Variants in TRPC7 observed in about 807,000 individuals in gnomAD.
TRPC7 encodes the protein short transient receptor potential channel 7.
In TRPC7, 42 loss-of-function variants were observed where a neutral mutation model predicts 90.1. The ratio of observed to expected loss-of-function variants is 0.47; its 90% CI spans 0.36 to 0.60. The LOEUF (loss-of-function observed/expected upper bound fraction) is 0.60, where lower values mean the gene tolerates loss of function less well. TRPC7 is among the 20% of genes least tolerant of loss of function. TRPC7 has a pLI of 0.00. For missense variants in TRPC7, 955 were observed against 1,112.3 expected, an observed-to-expected ratio of 0.86 and a Z score of 2.01; for synonymous variants, 451 against 436.3, an observed-to-expected ratio of 1.03 and a Z score of -0.42.
chr5:136,330,748 T>C (rs758312832), intron 2 of TRPC7, among the ~76,000 whole-genome samples: 8 of 152,142 alleles, frequency 5.3e-5, no homozygotes, highest in Non-Finnish European at 1.0e-4. Flanking sequence ...CACCAGCAGG[T>C]GTGTGGCAAC....
At chr5:136,276,794 G>A (rs1481362727) in intron 3 of TRPC7, among the ~76,000 whole-genome samples, 1 of 152,202 alleles carries the variant, frequency 6.6e-6, no homozygotes, top group Non-Finnish European at 1.5e-5. Context: ...TCACAATGAA[G>A]AGGAGCAAGC....
At chr5:136,227,769 C>A (rs1364461712) in intron 8 of TRPC7, among the ~76,000 whole-genome samples, 1 of 152,222 alleles carries the variant, frequency 6.6e-6, no homozygotes, top group African/African-American at 2.4e-5. Context: ...GCTATGCAAC[C>A]ATGGCAGGTG....
intron 2 of TRPC7, among the ~76,000 whole-genome samples, chr5:136,349,174 C>T (rs1760108172): frequency 1.3e-5 from 2 of 152,196 alleles, no homozygotes; most frequent in Non-Finnish European, 2.9e-5. Context: ...GCCCATGTCG[C>T]CTCTCTCCAC....
intron 8 of TRPC7, among the ~76,000 whole-genome samples, chr5:136,227,787 A>T (rs1755677774): frequency 6.6e-6 from 1 of 152,170 alleles, no homozygotes; most frequent in Non-Finnish European, 1.5e-5. Flanking sequence ...GTGATGGACC[A>T]CTCTGGGCCT....
At chr5:136,334,502 G>T (rs1396580023) in intron 2 of TRPC7, among the ~76,000 whole-genome samples, 1 of 152,058 alleles carries the variant, frequency 6.6e-6, no homozygotes, top group Non-Finnish European at 1.5e-5. Flanking sequence ...CCCAAGTCTG[G>T]GCTGACACTC....
intron 1 of TRPC7, among the ~76,000 whole-genome samples, chr5:136,364,797 A>G (rs1400893205): frequency 3.3e-4 from 50 of 152,340 alleles, no homozygotes; most frequent in Non-Finnish European, 1.5e-4. Context: ...AGAAGAAAAG[A>G]AAAATGACAA....
At chr5:136,272,815 T>TG (rs1057499665) in intron 4 of TRPC7, among the ~76,000 whole-genome samples, 9 of 152,184 alleles carry the variant, frequency 5.9e-5, no homozygotes, top group African/African-American at 1.9e-4. Context: ...GCCATAGGTC[T>TG]GACCCCTACA....
At chr5:136,359,578 G>C (rs1011556627) in intron 1 of TRPC7, among the ~76,000 whole-genome samples, 1 of 152,178 alleles carries the variant, frequency 6.6e-6, no homozygotes, top group Admixed American at 6.6e-5. Context: ...ACCAAAGGCA[G>C]ACTGTGGATT....
intron 5 of TRPC7, among the ~76,000 whole-genome samples, chr5:136,260,096 C>T (rs1228273064): frequency 2.6e-5 from 4 of 152,146 alleles, no homozygotes; most frequent in Admixed American, 6.6e-5. Context: ...AACCTACATG[C>T]CCCATAGGAT....
At chr5:136,265,276 T>A (rs934367521) in intron 5 of TRPC7, among the ~76,000 whole-genome samples, 15 of 152,230 alleles carry the variant, frequency 9.9e-5, no homozygotes, top group African/African-American at 3.4e-4. Flanking sequence ...GCCAATTGAA[T>A]TATTTGATCA....
chr5:136,228,499 A>G (rs1326465642), intron 8 of TRPC7, among the ~76,000 whole-genome samples: 1 of 151,208 alleles, frequency 6.6e-6, no homozygotes, highest in Admixed American at 6.6e-5. Flanking sequence ...TTAGGTAGCA[A>G]GAGAGGGGTG....
chr5:136,215,775 ATT>A (rs1006781074), intron 11 of TRPC7, among the ~76,000 whole-genome samples: 16 of 146,438 alleles, frequency 1.1e-4, no homozygotes, highest in Non-Finnish European at 2.2e-4. Context: ...GTGGGCCGAG[ATT>A]GTGCCGTTGC....
At chr5:136,248,518 A>T (rs1756416892) in intron 6 of TRPC7, among the ~76,000 whole-genome samples, 1 of 152,208 alleles carries the variant, frequency 6.6e-6, no homozygotes, top group Admixed American at 6.5e-5. Context: ...AATCTAAAGG[A>T]TCTTGCCTGA....
At chr5:136,234,913 GCAATA>G (rs1281869775) in intron 7 of TRPC7, among the ~76,000 whole-genome samples, 5 of 152,054 alleles carry the variant, frequency 3.3e-5, no homozygotes, top group Non-Finnish European at 5.9e-5. Context: ...TAAACTGTAA[GCAATA>G]CAATATTTTA....
Position 136,365,337 on chromosome 5 carries a change from T to A in TRPC7, c.-83A>T. On this transcript the variant is annotated 5_prime_UTR_variant, in exon 1 of 12. Transcript: ENST00000513104. ...TCGCCAGAAGCTGGCTCCCCATGGG[T>A]GGTAGCCAAGGATGTACCGCTCTCC... The A allele has an allele frequency of 2.8e-6, 4 of 1,413,734 alleles. No homozygotes were observed. Among genetic ancestry groups the A allele is most frequent in the Non-Finnish European group, 3.9e-6 (4 of 1,034,298 alleles). 87.6% of individuals were successfully genotyped at this position (1,413,734 alleles called of 1,614,324 possible). A position where few individuals can be genotyped will look rare whatever the true frequency, so the allele number is the denominator to read the frequency against.
intron 3 of TRPC7, among the ~76,000 whole-genome samples, chr5:136,314,695 CAGAA>C (rs1196822027): frequency 6.6e-6 from 1 of 152,074 alleles, no homozygotes; most frequent in Non-Finnish European, 1.5e-5. Context: ...AATCAGGAAA[CAGAA>C]GGAATACCCA....
In TRPC7 at chr5:136,260,988, C is replaced by T. The variant is rs142020558; in HGVS notation, c.1345+5232G>A. The stretch of plus-strand genomic sequence containing the variant: ...TATGGTATGTCATGGGAGAAAAGAA[C>T]TGTGCTATTTTGTTTCTAGCTGATA... On this transcript the variant is annotated intron_variant, in intron 5 of 11. Transcript: ENST00000513104. Among the ~76,000 whole-genome samples the T allele has an allele frequency of 1.6e-3, 245 of 152,218 alleles. 2 individuals carry two copies. Among genetic ancestry groups the T allele is most frequent in the Middle Eastern group, 0.014 (4 of 294 alleles).
intron 6 of TRPC7, among the ~76,000 whole-genome samples, chr5:136,249,545 T>C (rs1756454428): frequency 6.6e-6 from 1 of 152,246 alleles, no homozygotes; most frequent in South Asian, 2.1e-4. Context: ...ATTCTTTTTT[T>C]CTGCGGCCTC....
At chr5:136,295,631 C>T (rs1444271835) in intron 3 of TRPC7, among the ~76,000 whole-genome samples, 1 of 152,160 alleles carries the variant, frequency 6.6e-6, no homozygotes, top group Non-Finnish European at 1.5e-5. Context: ...GTCCTCTAGG[C>T]TTCTCAATGG....
Sources: allele counts gnomAD v4.1 joint callset (sites outside exome capture counted in the v4.1 genomes callset), GRCh38; gene constraint gnomAD v4.1.1; transcripts MANE v1.5; gene names NCBI Gene and HGNC (gene_info 2026-07-23, HGNC 2026-07-21).